Variants in FDX2 observed in about 807,000 individuals in gnomAD.
The protein encoded by FDX2 is ferredoxin-2, mitochondrial.
In FDX2, 13 loss-of-function variants were observed where a neutral mutation model predicts 18.5. The observed-to-expected ratio is 0.70, with a 90% CI of 0.46 to 1.12. The LOEUF is 1.12. FDX2 is among the 50% of genes most tolerant of loss of function. The pLI is 0.00. For missense variants in FDX2, 238 were observed against 250.4 expected (o/e 0.95, Z 0.34); for synonymous variants, 132 against 106.2 (o/e 1.24, Z -1.49).
Position 10,315,417 on chromosome 19 carries a change from G to A in FDX2, c.285C>T (p.His95=). 1 of 1,613,168 alleles carries A rather than the reference G, an allele frequency of 6.2e-7. No homozygotes were observed. The highest frequency in any genetic ancestry group is 1.1e-5 in the South Asian group (1 of 91,028). ...GGTCCACCCCGTGGCGCTGGGCCAG[G>A]TGAAGAACATTGTCCCCGACTCTGC... Residue 95 remains histidine, a synonymous_variant, in exon 3 of 5, where the codon CAC becomes CAT. Coordinates refer to ENST00000393708, the MANE Select transcript of FDX2 (RefSeq NM_001031734.4).
At chr19:10,313,758 C>T (rs188487526) in intron 3 of FDX2, among the ~76,000 whole-genome samples, 17 of 132,336 alleles carry the variant, frequency 1.3e-4, no homozygotes, top group African/African-American at 4.6e-4. Context: ...GATCTTGGCT[C>T]ACTGCAAGCT....
rs774593059 is a variant in FDX2 at position 10,310,201 on chromosome 19, C to A, written c.*285G>T. 4.4e-6 allele frequency: 2 copies of A among 458,644 alleles called. No homozygotes were observed. The highest frequency in any genetic ancestry group is 7.9e-5 in the East Asian group (2 of 25,444). The allele number at this position is 458,644 out of a possible 1,614,324, so 28.4% of individuals were successfully genotyped here. On this transcript the variant is annotated 3_prime_UTR_variant, in exon 5 of 5. Coordinates refer to ENST00000393708, the MANE Select transcript of FDX2 (RefSeq NM_001031734.4). ...ACCCCAGATCTGTCCCCCAAGGACA[C>A]TCAACATGCTGGGGCCTGTGTTATC... is the stretch of plus-strand genomic sequence containing the variant.
intron 3 of FDX2, among the ~76,000 whole-genome samples, chr19:10,311,396 A>ATTTT (rs34974235): frequency 7.0e-6 from 1 of 143,438 alleles, no homozygotes; most frequent in Non-Finnish European, 1.5e-5. Flanking sequence ...AGGCATTAGG[A>ATTTT]TTTTGTTTTT....
In FDX2 at chr19:10,315,709, C is replaced by T. The variant is rs577610032; in HGVS notation, c.205G>A (p.Asp69Asn). The change falls in exon 2 of 5, where the codon GAC becomes AAC. Residue 69 changes from aspartate (D) to asparagine (N), a missense_variant. Asp to Asn is a conservative substitution (Grantham distance 23). Coordinates refer to ENST00000393708, the MANE Select transcript of FDX2 (RefSeq NM_001031734.4). ...GACTTGGCCCCCTGCACTCACACGTCCCCGGGCCGCTCCGGGCCGCCCGCG... is the reference window on the plus strand; with the variant it reads ...GACTTGGCCCCCTGCACTCACACGTTCCCGGGCCGCTCCGGGCCGCCCGCG... 7 of 1,550,342 alleles carry T rather than the reference C, an allele frequency of 4.5e-6. No individual in the cohort carries two copies. Among genetic ancestry groups the T allele is most frequent in the African/African-American group, 1.4e-5 (1 of 73,052 alleles).
Position 10,310,456 on chromosome 19 carries a change from T to C in FDX2, c.*30A>G, listed in dbSNP as rs773013930. The C allele has an allele frequency of 6.2e-7, 1 of 1,613,752 alleles. No individual in the cohort carries two copies. Among genetic ancestry groups the C allele is most frequent in the Non-Finnish European group, 8.5e-7 (1 of 1,179,764 alleles). The stretch of plus-strand genomic sequence containing the variant: ...TCCCTCAATCTGGGCCCTGGGGCCA[T>C]GGCAATGTGGAATGGTCCAGGTGTT... On this transcript the variant is annotated 3_prime_UTR_variant, in exon 5 of 5. Transcript: ENST00000393708.
Position 10,315,432 on chromosome 19 carries a change from C to A in FDX2, c.270G>T (p.Gly90=). ...GCTGGGCCAGGTGAAGAACATTGTC[C>A]CCGACTCTGCCACTCACTGGGATCC... Residue 90 remains glycine (G), a synonymous_variant, in exon 3 of 5, where the codon GGG becomes GGT. Transcript: ENST00000393708. 6.2e-7 allele frequency: 1 copy of A among 1,613,328 alleles called. No homozygotes were observed. The highest frequency in any genetic ancestry group is 8.5e-7 in the Non-Finnish European group (1 of 1,179,928).
chr19:10,313,422 T>C (rs2040343262), intron 3 of FDX2, among the ~76,000 whole-genome samples: 3 of 151,942 alleles, frequency 2.0e-5, no homozygotes, highest in Non-Finnish European at 4.4e-5. Context: ...AGAGGCCTTA[T>C]TTGTTTTGTA....
At chr19:10,313,974 G>A (rs1172152941) in intron 3 of FDX2, among the ~76,000 whole-genome samples, 1 of 149,762 alleles carries the variant, frequency 6.7e-6, no homozygotes, top group East Asian at 2.0e-4. Flanking sequence ...GTGAGCCACC[G>A]CGCCTGGCCT....
At chr19:10,314,788 T>A (rs1296079086) in intron 3 of FDX2, among the ~76,000 whole-genome samples, 2 of 152,128 alleles carry the variant, frequency 1.3e-5, no homozygotes, top group Admixed American at 6.6e-5. Flanking sequence ...GGAATGAGCT[T>A]GGTTGTTTGA....
chr19:10,313,723 C>T (rs1200560648), intron 3 of FDX2, among the ~76,000 whole-genome samples: 4 of 114,384 alleles, frequency 3.5e-5, no homozygotes, highest in African/African-American at 1.1e-4. Context: ...CTCACTCTGT[C>T]GCCCAGGCTG....
chr19:10,310,372 G>C lies in FDX2; in HGVS notation c.*114C>G. ...CAAGCAGGGGTGTTGTCCTTCACAG[G>C]GGCTTCCACGTCTCTCCCGGGCCTG... On this transcript the variant is annotated 3_prime_UTR_variant, in exon 5 of 5. Transcript: ENST00000393708. 18 of 1,396,708 alleles carry C rather than the reference G, an allele frequency of 1.3e-5. No homozygotes were observed. Among genetic ancestry groups the C allele is most frequent in the Non-Finnish European group, 1.8e-5 (18 of 1,018,542 alleles). The allele number at this position is 1,396,708 out of a possible 1,614,324, so 86.5% of individuals were successfully genotyped here. A position where few individuals can be genotyped will look rare whatever the true frequency, so the allele number is the denominator to read the frequency against.
At chr19:10,315,241 T>G in intron 3 of FDX2, 145 bp downstream of exon 3, 5 of 625,710 alleles carry the variant, frequency 8.0e-6, no homozygotes, top group Admixed American at 2.9e-5. Flanking sequence ...TGGCAACAGA[T>G]GAGGCCATGG....
chr19:10,315,509 GTGCGAA>G lies in FDX2; in HGVS notation c.210-23_210-18del, dbSNP rs752261261. 146 of 1,611,710 alleles carry G rather than the reference GTGCGAA, an allele frequency of 9.1e-5. No homozygotes were observed. Among genetic ancestry groups the G allele is most frequent in the Admixed American group, 1.2e-4 (7 of 59,946 alleles). ...ACGTTCACCCTGGGGACAGATGGAA[GTGCGAA>G]TGCCGAACTGGATGATGGGCTCAGG... On this transcript the variant is annotated intron_variant, in intron 2 of 4. Coordinates refer to ENST00000393708, the MANE Select transcript of FDX2 (RefSeq NM_001031734.4).
intron 3 of FDX2, among the ~76,000 whole-genome samples, chr19:10,312,172 AT>A (rs60538704): frequency 0.2 from 16,153 of 82,776 alleles, 669 homozygotes; most frequent in Admixed American, 0.28. Flanking sequence ...ACCTGGCCAT[AT>A]TTTTTTTTTT....
intron 3 of FDX2, among the ~76,000 whole-genome samples, chr19:10,311,740 G>A (rs968320885): frequency 7.3e-6 from 1 of 137,198 alleles, no homozygotes; most frequent in Non-Finnish European, 1.5e-5. Flanking sequence ...GTCTCACTCT[G>A]TTGCCCAGCC....
At position 10,310,866 on chromosome 19, in the gene FDX2, G is replaced by A; in HGVS notation, c.391C>T (p.Pro131Ser). The A allele has an allele frequency of 6.2e-7, 1 of 1,613,914 alleles. No individual in the cohort carries two copies. Among genetic ancestry groups the A allele is most frequent in the Admixed American group, 1.7e-5 (1 of 60,004 alleles). Residue 131 changes from proline (P) to serine (S), a missense_variant, in exon 4 of 5, where the codon CCT (proline) becomes TCT (serine). Transcript: ENST00000393708. ...TGACCCACTCACCTCTCCTCGGGAG[G>A]AGGCAGGAGATCCAGGTGGTCTTCA... is the stretch of plus-strand genomic sequence containing the variant.
Position 10,315,469 on chromosome 19 carries a change from C to T in FDX2, c.233G>A (p.Arg78His), listed in dbSNP as rs1200342393. Reference sequence around the variant, plus strand: ...ACTCACTGGGATCCGCTGGCCTGAGCGGTCTACGAACACCACGTTCACCCT... The same window carrying T: ...ACTCACTGGGATCCGCTGGCCTGAGTGGTCTACGAACACCACGTTCACCCT... Residue 78 changes from arginine to histidine, a missense_variant, in exon 3 of 5, where the codon CGC becomes CAC. By Grantham distance (29) the Arg-to-His change is conservative (BLOSUM62 0). Transcript: ENST00000393708. 1 of 1,613,802 alleles carries T rather than the reference C, an allele frequency of 6.2e-7. No homozygotes were observed. Among genetic ancestry groups the T allele is most frequent in the Non-Finnish European group, 8.5e-7 (1 of 1,179,972 alleles).
In FDX2 at chr19:10,315,693, C is replaced by T. The variant is rs552254609; in HGVS notation, c.209+12G>A. 1.6e-5 allele frequency: 24 copies of T among 1,548,080 alleles called. No homozygotes were observed. The highest frequency in any genetic ancestry group is 1.9e-5 in the Non-Finnish European group (22 of 1,146,706). On this transcript the variant is annotated intron_variant, in intron 2 of 4. Coordinates refer to ENST00000393708, the MANE Select transcript of FDX2 (RefSeq NM_001031734.4). ...GGGATGAGGAATGGGGGACTTGGCC[C>T]CCTGCACTCACACGTCCCCGGGCCG...
chr19:10,311,236 TGA>T (rs1476092047), intron 3 of FDX2, among the ~76,000 whole-genome samples: 66 of 152,204 alleles, frequency 4.3e-4, no homozygotes, highest in Non-Finnish European at 3.2e-4. Context: ...GCCAGGTAGC[TGA>T]GAGGGGAAAG....
Sources: allele counts gnomAD v4.1 joint callset (sites outside exome capture counted in the v4.1 genomes callset), GRCh38; gene constraint gnomAD v4.1.1; transcripts MANE v1.5; gene names NCBI Gene and HGNC (gene_info 2026-07-23, HGNC 2026-07-21).